The following FLNB variants were observed in gnomAD, a reference collection of about 807,000 sequenced individuals.
The protein encoded by FLNB is filamin-B.
A neutral mutation model predicts 250.6 loss-of-function variants in FLNB; 111 were observed. The observed-to-expected ratio is 0.44, with a 90% CI of 0.38 to 0.52. The LOEUF (loss-of-function observed/expected upper bound fraction) is 0.52. Ranked by LOEUF, FLNB falls within the 20% of genes least tolerant of loss-of-function variation. The pLI is 0.00. For synonymous variants in FLNB, 1,302 were observed against 1,372.1 expected (o/e 0.95, Z 1.13); for missense variants, 2,869 against 3,447.8 (o/e 0.83, Z 4.20).
chr3:58,012,093 C>T (rs1463406750), intron 1 of FLNB, among the ~76,000 whole-genome samples: 1 of 151,780 alleles, frequency 6.6e-6, no homozygotes, highest in East Asian at 1.9e-4. Context: ...CACCTGTAGT[C>T]CCAGCTACTC....
Position 58,142,885 on chromosome 3 carries a change from G to A in FLNB, c.5284+133G>A, listed in dbSNP as rs370401034. ...CCAGGGTCACGAGTTCTTGGTCTCC[G>A]GTGTTGGGCCGTGGGCTCCTGAAAC... On this transcript the variant is annotated intron_variant, in intron 31 of 45. Transcript: ENST00000295956. This position sits in a 1 kb window ranked among gnomAD's most constrained non-coding sequence, Gnocchi z 4.3. The A allele has an allele frequency of 1.0e-4, 78 of 759,674 alleles. 1 individual carries two copies. Among genetic ancestry groups the A allele is most frequent in the South Asian group, 8.5e-4 (57 of 67,314 alleles). The allele number at this position is 759,674 out of a possible 1,614,324, so 47.1% of individuals were successfully genotyped here. A position where few individuals can be genotyped will look rare whatever the true frequency, so the allele number is the denominator to read the frequency against.
chr3:58,112,327 C>T lies in FLNB; in HGVS notation c.2745+9C>T, dbSNP rs2107130905. On this transcript the variant is annotated intron_variant, in intron 18 of 45. Transcript: ENST00000295956. ...ATACACCCACCCAACAGGTAGGGTC[C>T]TTCTCCCCTCTGCTCCCCTGGCCCC... 6.2e-7 allele frequency: 1 copy of T among 1,612,348 alleles called. No individual in the cohort carries two copies. Among genetic ancestry groups the T allele is most frequent in the Non-Finnish European group, 8.5e-7 (1 of 1,179,468 alleles).
chr3:58,125,719 C>CCAAT lies in FLNB; in HGVS notation c.4038_4041dup (p.Val1348GlnfsTer20). On this transcript the variant is annotated frameshift_variant, in exon 23 of 46. Coordinates refer to ENST00000295956, the MANE Select transcript of FLNB (RefSeq NM_001457.4). LOFTEE classifies it high-confidence loss of function. ...TTGAAAGAGGCCTTTACCAACAAGC[C>CCAAT]CAATGTCTTCACCGTGGTTACCAGG... 2 of 1,614,134 alleles carry CCAAT rather than the reference C, an allele frequency of 1.2e-6. No homozygotes were observed. Among genetic ancestry groups the CCAAT allele is most frequent in the Non-Finnish European group, 1.7e-6 (2 of 1,180,024 alleles).
chr3:58,112,557 C>T (rs150695882), intron 18 of FLNB, among the ~76,000 whole-genome samples: 1 of 152,364 alleles, frequency 6.6e-6, no homozygotes, highest in African/African-American at 2.4e-5. Context: ...TCCCATATCT[C>T]CACCTTTGGT....
chr3:58,140,370 C>T lies in FLNB; in HGVS notation c.5110-1488C>T, dbSNP rs116394511. On this transcript the variant is annotated intron_variant, in intron 29 of 45. Coordinates refer to ENST00000295956, the MANE Select transcript of FLNB (RefSeq NM_001457.4). Reference sequence around the variant, plus strand: ...AGCCATTGAAAGATCTTCCTTCTGACTGATATGTCCCTGCATAGCTCCAAC... The same window carrying T: ...AGCCATTGAAAGATCTTCCTTCTGATTGATATGTCCCTGCATAGCTCCAAC... Among the ~76,000 whole-genome samples, 544 of 152,348 alleles carry T rather than the reference C, an allele frequency of 3.6e-3. 3 individuals carry two copies. The highest frequency in any genetic ancestry group is 0.012 in the African/African-American group (504 of 41,582).
chr3:58,103,928 G>A, intron 9 of FLNB, 31 bp from the exon 10 acceptor site: 1 of 1,613,838 alleles, frequency 6.2e-7, no homozygotes, highest in Non-Finnish European at 8.5e-7. Flanking sequence ...CTAGGATTGT[G>A]TTGGAAAGAT....
Position 58,138,418 on chromosome 3 carries a change from G to A in FLNB, c.4998G>A (p.Glu1666=). Residue 1666 remains glutamate, a synonymous_variant, in exon 29 of 46, where the codon GAG becomes GAA. Transcript: ENST00000295956. ...DGTEAEADVI[E]NEDGTYDIFY... ...CTGAGGCCGAGGCCGATGTCATTGA[G>A]AATGAAGATGGAACCTATGACATCT... 6.2e-7 allele frequency: 1 copy of A among 1,614,222 alleles called. No homozygotes were observed. Among genetic ancestry groups the A allele is most frequent in the Non-Finnish European group, 8.5e-7 (1 of 1,180,034 alleles).
intron 4 of FLNB, among the ~76,000 whole-genome samples, chr3:58,086,502 T>C (rs1357219817): frequency 6.6e-6 from 1 of 152,208 alleles, no homozygotes; most frequent in Non-Finnish European, 1.5e-5. Context: ...CTTCTTTGCT[T>C]TGCATTTCTT....
At chr3:58,074,331 T>C (rs1371844733) in intron 1 of FLNB, among the ~76,000 whole-genome samples, 1 of 152,220 alleles carries the variant, frequency 6.6e-6, no homozygotes, top group Non-Finnish European at 1.5e-5. Context: ...GAACCACTGG[T>C]CTAGAGGCAG....
intron 25 of FLNB, chr3:58,131,829 G>A: frequency 1.2e-6 from 1 of 801,962 alleles, no homozygotes; most frequent in Non-Finnish European, 2.1e-6. Context: ...CCCTGTGTAT[G>A]TGTGAATGAG....
chr3:58,121,128 A>G lies in FLNB; in HGVS notation c.2864-113A>G, dbSNP rs2097288133. ...GTCCTCTGCAGCAGCTGTTGCTTAC[A>G]GTGGAGGCTGAGATAAGTCCCCGTG... On this transcript the variant is annotated intron_variant, in intron 19 of 45. Transcript: ENST00000295956. 7 of 1,341,894 alleles carry G rather than the reference A, an allele frequency of 5.2e-6. No homozygotes were observed. The Admixed American group carries it at 6.7e-5, about 13-fold the overall frequency. 83.1% of individuals were successfully genotyped at this position (1,341,894 alleles called of 1,614,324 possible).
In FLNB at chr3:58,026,995, G is replaced by A. The variant is rs1420234051; in HGVS notation, c.292+18139G>A. ...TTGCACAACGGCTTTTGTTTCTCCA[G>A]CTACTAAAGGTGACTGTCATTTAGG... is the stretch of plus-strand genomic sequence containing the variant. On this transcript the variant is annotated intron_variant, in intron 1 of 45. Coordinates refer to ENST00000295956, the MANE Select transcript of FLNB (RefSeq NM_001457.4). 2.0e-5 allele frequency among the ~76,000 whole-genome samples: 3 copies of A among 152,116 alleles called. No homozygotes were observed. The East Asian group carries it at 5.8e-4, about 29-fold the overall frequency.
At chr3:58,042,239 C>G (rs574886787) in intron 1 of FLNB, among the ~76,000 whole-genome samples, 1 of 151,786 alleles carries the variant, frequency 6.6e-6, no homozygotes, top group African/African-American at 2.4e-5. Context: ...TTGGCCTCCT[C>G]TTTGATGCGG....
intron 25 of FLNB, among the ~76,000 whole-genome samples, chr3:58,131,682 G>A (rs914329120): frequency 1.3e-5 from 2 of 152,220 alleles, no homozygotes; most frequent in African/African-American, 4.8e-5. Context: ...TCTCCTTCAT[G>A]GGGTTCAGCA....
At chr3:58,143,426 G>T in intron 31 of FLNB, 47 bp from the exon 32 acceptor site, 2 of 1,611,750 alleles carry the variant, frequency 1.2e-6, no homozygotes, top group Admixed American at 3.3e-5. Context: ...CTTCTCTGGG[G>T]AAGGTTGCTG....
At chr3:58,038,657 G>A (rs773415789) in intron 1 of FLNB, among the ~76,000 whole-genome samples, 22 of 148,968 alleles carry the variant, frequency 1.5e-4, no homozygotes, top group Non-Finnish European at 2.5e-4. Context: ...TCAAATTCCT[G>A]GCCTCAAGTG....
Position 58,108,508 on chromosome 3 carries a change from C to T in FLNB, c.1992C>T (p.Asn664=), listed in dbSNP as rs774977515. ...GLEKSGCIVN[N]LAEFTVDPKD... ...AGAAATCTGGATGCATTGTCAACAA[C>T]CTGGCCGAGTTCACTGTGGATCCTA... Residue 664 remains asparagine, a synonymous_variant, in exon 13 of 46, where the codon AAC becomes AAT. Coordinates refer to ENST00000295956, the MANE Select transcript of FLNB (RefSeq NM_001457.4). The T allele has an allele frequency of 2.0e-5, 33 of 1,614,048 alleles. 1 individual carries two copies. The South Asian group carries it at 3.1e-4, about 15-fold the overall frequency.
At chr3:58,126,020 T>C (rs2097297208) in intron 23 of FLNB, among the ~76,000 whole-genome samples, 2 of 152,218 alleles carry the variant, frequency 1.3e-5, no homozygotes, top group Admixed American at 6.5e-5. Flanking sequence ...TAAGTATTTT[T>C]ATTAAAGTTG....
chr3:58,148,915 G>C, intron 36 of FLNB, 63 bp downstream of exon 36: 1 of 1,443,806 alleles, frequency 6.9e-7, no homozygotes, highest in South Asian at 1.1e-5. Context: ...TGCTGAGGCA[G>C]CGTCATCTTT....
Sources: gnomAD v4.1 joint callset for allele counts (sites outside exome capture counted in the v4.1 genomes callset) on GRCh38, gnomAD v4.1.1 for gene constraint, Gnocchi (gnomAD v3.1) non-coding constraint, MANE v1.5 for transcripts, NCBI Gene and HGNC (gene_info 2026-07-23, HGNC 2026-07-21) for gene names.